The following GRIA1 variants were observed in gnomAD, a reference collection of about 807,000 sequenced individuals.
GRIA1 encodes glutamate receptor 1.
A neutral mutation model predicts 99.2 loss-of-function variants in GRIA1; 31 were observed. The observed-to-expected ratio is 0.31, with a 90% CI of 0.23 to 0.42. The LOEUF is 0.42. Among genes scored for constraint, GRIA1 ranks in the 10% least tolerant of loss-of-function variants. The probability of loss-of-function intolerance (pLI) is 1.00; values close to 1 mark genes in which losing one functional copy is unlikely to be tolerated. For missense variants in GRIA1, 782 were observed against 1,157.5 expected (o/e 0.68, Z 4.71); for synonymous variants, 438 against 432.4 (o/e 1.01, Z -0.16).
chr5:153,539,529 T>C (rs561838299), intron 2 of GRIA1, among the ~76,000 whole-genome samples: 2 of 152,368 alleles, frequency 1.3e-5, no homozygotes, highest in South Asian at 2.1e-4. Context: ...TAGTCTTTAC[T>C]GAGCAATTAA....
chr5:153,676,158 G>A (rs1756568432), intron 6 of GRIA1, among the ~76,000 whole-genome samples: 2 of 152,102 alleles, frequency 1.3e-5, no homozygotes, highest in Admixed American at 1.3e-4. Context: ...CGCCCGGCAT[G>A]TAATTTAATT....
chr5:153,631,698 T>G (rs560335105), intron 2 of GRIA1, among the ~76,000 whole-genome samples: 14 of 152,144 alleles, frequency 9.2e-5, no homozygotes, highest in Admixed American at 2.0e-4. Flanking sequence ...TGTTTTAAGT[T>G]TTTTTGGTAT....
At chr5:153,707,660 C>T (rs1352757328) in intron 11 of GRIA1, among the ~76,000 whole-genome samples, 4 of 152,092 alleles carry the variant, frequency 2.6e-5, no homozygotes, top group East Asian at 3.9e-4. Context: ...CACCTATCTA[C>T]GTTTTGCATT....
At chr5:153,625,454 GACTTCCTCTT>G (rs1202783477) in intron 2 of GRIA1, among the ~76,000 whole-genome samples, 1 of 152,168 alleles carries the variant, frequency 6.6e-6, no homozygotes, top group African/African-American at 2.4e-5. Flanking sequence ...TTTGCCGACT[GACTTCCTCTT>G]TGTCATCAAG....
intron 8 of GRIA1, among the ~76,000 whole-genome samples, chr5:153,696,044 G>A (rs1442221034): frequency 6.6e-6 from 1 of 152,196 alleles, no homozygotes; most frequent in Admixed American, 6.5e-5. Flanking sequence ...GCTAGACCCA[G>A]TGTTCTAATG....
intron 13 of GRIA1, among the ~76,000 whole-genome samples, chr5:153,794,218 A>T (rs1314957483): frequency 6.6e-6 from 1 of 152,206 alleles, no homozygotes; most frequent in Non-Finnish European, 1.5e-5. Flanking sequence ...TGCCAAGTTG[A>T]TAACTCCTTT....
intron 13 of GRIA1, among the ~76,000 whole-genome samples, chr5:153,774,414 GA>G (rs1024488529): frequency 6.6e-6 from 1 of 152,034 alleles, no homozygotes; most frequent in Admixed American, 6.6e-5. Flanking sequence ...TTTTTTAAAG[GA>G]CTGTTTAACT....
chr5:153,603,773 C>T (rs1284386729), intron 2 of GRIA1, among the ~76,000 whole-genome samples: 1 of 152,142 alleles, frequency 6.6e-6, no homozygotes, highest in Admixed American at 6.5e-5. Flanking sequence ...TGCCAGTTGC[C>T]ACCGCCTAGC....
At chr5:153,644,546 G>A (rs1187143801) in intron 2 of GRIA1, among the ~76,000 whole-genome samples, 3 of 152,022 alleles carry the variant, frequency 2.0e-5, no homozygotes, top group African/African-American at 7.2e-5. Context: ...GCTGGCTTTT[G>A]GGCACAAAGA....
intron 2 of GRIA1, among the ~76,000 whole-genome samples, chr5:153,538,301 C>T (rs949523181): frequency 6.6e-6 from 1 of 151,892 alleles, no homozygotes; most frequent in South Asian, 2.1e-4. Flanking sequence ...AATTTATATG[C>T]CATAGAGTTT....
At chr5:153,581,484 A>G (rs72802635) in intron 2 of GRIA1, among the ~76,000 whole-genome samples, 15,251 of 152,004 alleles carry the variant, frequency 0.1, 907 homozygotes, top group South Asian at 0.25. Context: ...CTACCTTAGG[A>G]GCTACTATTA....
At chr5:153,663,552 T>C (rs1312694139) in intron 5 of GRIA1, among the ~76,000 whole-genome samples, 1 of 152,180 alleles carries the variant, frequency 6.6e-6, no homozygotes, top group Admixed American at 6.5e-5. Context: ...GTGGATCTCA[T>C]AAGATAAAGA....
chr5:153,805,749 C>A (rs532096299), intron 15 of GRIA1, among the ~76,000 whole-genome samples: 3 of 152,328 alleles, frequency 2.0e-5, no homozygotes, highest in Non-Finnish European at 4.4e-5. Flanking sequence ...TTCAAAGAGG[C>A]CACTGAGTCA....
intron 14 of GRIA1, among the ~76,000 whole-genome samples, chr5:153,794,954 G>A (rs1765553828): frequency 6.6e-6 from 1 of 152,170 alleles, no homozygotes; most frequent in Non-Finnish European, 1.5e-5. Flanking sequence ...CCAGTCCCCA[G>A]GACCCCAGCA....
intron 2 of GRIA1, among the ~76,000 whole-genome samples, chr5:153,508,514 G>C (rs962234231): frequency 6.6e-6 from 1 of 152,004 alleles, no homozygotes; most frequent in Admixed American, 6.6e-5. Context: ...AGAACAGAAA[G>C]AAGGCCAGTG....
intron 2 of GRIA1, among the ~76,000 whole-genome samples, chr5:153,514,226 G>A (rs1430673738): frequency 1.3e-5 from 2 of 152,164 alleles, no homozygotes; most frequent in African/African-American, 4.8e-5. Flanking sequence ...GTCTTTTGTT[G>A]TCTATGCTTT....
At chr5:153,664,327 A>C (rs1561743596) in intron 5 of GRIA1, among the ~76,000 whole-genome samples, 1 of 152,176 alleles carries the variant, frequency 6.6e-6, no homozygotes, top group South Asian at 2.1e-4. Context: ...AGGCACTAAA[A>C]GGTTGAGTAG....
intron 11 of GRIA1, among the ~76,000 whole-genome samples, chr5:153,730,595 G>A (rs2149557431): frequency 1.3e-5 from 2 of 152,178 alleles, no homozygotes; most frequent in South Asian, 4.2e-4. Flanking sequence ...TGAAAACTAG[G>A]CAAAGGACTG....
chr5:153,804,718 TTA>T (rs766744748), intron 15 of GRIA1, among the ~76,000 whole-genome samples: 11,727 of 131,306 alleles, frequency 0.089, 660 homozygotes, highest in Non-Finnish European at 0.13. Context: ...TCCTTATTAA[TTA>T]ATTAATTAAT....
Sources: allele counts gnomAD v4.1 joint callset (sites outside exome capture counted in the v4.1 genomes callset), GRCh38; gene constraint gnomAD v4.1.1; transcripts MANE v1.5; gene names NCBI Gene and HGNC (gene_info 2026-07-23, HGNC 2026-07-21).